SYTL3: variants seen among roughly 807,000 people sequenced by gnomAD.
SYTL3 encodes synaptotagmin like 3, also known as synaptotagmin-like protein 3.
Under a neutral mutation model 82.1 loss-of-function variants are expected in SYTL3, and 88 were observed. That is an observed-to-expected ratio of 1.07 (90% CI 0.90 to 1.28). The LOEUF (loss-of-function observed/expected upper bound fraction) is 1.28. Ranked by LOEUF, SYTL3 falls within the 50% of genes most tolerant of loss-of-function variation. The pLI, the probability that SYTL3 is intolerant of heterozygous loss-of-function variation, is 0.00. For missense variants in SYTL3, 831 were observed against 757.6 expected, an observed-to-expected ratio of 1.10 and a Z score of -1.14; for synonymous variants, 311 against 289.4, an observed-to-expected ratio of 1.07 and a Z score of -0.76.
chr6:158,670,947 C>T (rs1214544639), intron 5 of SYTL3, among the ~76,000 whole-genome samples: 1 of 151,630 alleles, frequency 6.6e-6, no homozygotes, highest in African/African-American at 2.4e-5. Context: ...GGACTACAGG[C>T]GCCCACCACC....
intron 5 of SYTL3, among the ~76,000 whole-genome samples, chr6:158,667,122 G>T (rs1043409344): frequency 2.0e-5 from 3 of 152,156 alleles, no homozygotes; most frequent in Non-Finnish European, 2.9e-5. Flanking sequence ...AAACATTGCT[G>T]GGCAGGGTGT....
intron 12 of SYTL3, among the ~76,000 whole-genome samples, chr6:158,746,762 C>G (rs981094752): frequency 6.6e-6 from 1 of 151,556 alleles, no homozygotes; most frequent in African/African-American, 2.4e-5. Context: ...CCACACCCGG[C>G]CAGCACTATT....
intron 5 of SYTL3, among the ~76,000 whole-genome samples, chr6:158,667,007 T>G (rs1408295958): frequency 6.6e-6 from 1 of 152,242 alleles, no homozygotes; most frequent in Non-Finnish European, 1.5e-5. Flanking sequence ...ATAATTACTG[T>G]GAGCTGCCCT....
At chr6:158,647,922 C>A (rs1787588878), upstream of SYTL3, among the ~76,000 whole-genome samples, 1 of 152,194 alleles carries the variant, frequency 6.6e-6, no homozygotes, top group Non-Finnish European at 1.5e-5. Flanking sequence ...CTGGAGCTGC[C>A]AATACCTTTA....
chr6:158,675,217 C>T (rs1210808471), intron 5 of SYTL3, among the ~76,000 whole-genome samples: 1 of 152,162 alleles, frequency 6.6e-6, no homozygotes, highest in Non-Finnish European at 1.5e-5. Flanking sequence ...TGTAATGTGC[C>T]TGGCCAGAGC....
intron 6 of SYTL3, among the ~76,000 whole-genome samples, chr6:158,700,437 C>T (rs922675353): frequency 4.0e-5 from 6 of 151,664 alleles, no homozygotes; most frequent in African/African-American, 9.7e-5. Context: ...TTATCTCTCT[C>T]GAAGTACCTG....
intron 6 of SYTL3, among the ~76,000 whole-genome samples, chr6:158,704,663 C>T (rs1242733712): frequency 6.6e-6 from 1 of 152,234 alleles, no homozygotes; most frequent in South Asian, 2.1e-4. Context: ...GGTGGGGCAC[C>T]CCGGAAGCCA....
At chr6:158,690,674 A>T (rs1002135349) in intron 6 of SYTL3, among the ~76,000 whole-genome samples, 2 of 152,362 alleles carry the variant, frequency 1.3e-5, no homozygotes, top group East Asian at 3.9e-4. Context: ...AGTACAAAAA[A>T]TTTTAAATAT....
chr6:158,705,975 G>A (rs1782043113), intron 6 of SYTL3, among the ~76,000 whole-genome samples: 1 of 152,114 alleles, frequency 6.6e-6, no homozygotes, highest in Admixed American at 6.5e-5. Flanking sequence ...TTTTTTGCTT[G>A]GACCTGGATG....
At chr6:158,676,252 A>T (rs530335543) in intron 5 of SYTL3, among the ~76,000 whole-genome samples, 1 of 152,242 alleles carries the variant, frequency 6.6e-6, no homozygotes, top group African/African-American at 2.4e-5. Context: ...ATAATGTTGC[A>T]TATCTACAAC....
intron 5 of SYTL3, among the ~76,000 whole-genome samples, chr6:158,681,093 T>C (rs1778639720): frequency 6.6e-6 from 1 of 152,128 alleles, no homozygotes; most frequent in South Asian, 2.1e-4. Context: ...CAGTCATGAG[T>C]TGAAGTTTTA....
In SYTL3 at chr6:158,757,359, G is replaced by A. The variant is rs141770650; in HGVS notation, c.1286G>A (p.Arg429His). The change falls in exon 14 of 18, where the codon CGC becomes CAC. Residue 429 changes from arginine to histidine, a missense_variant. Transcript: ENST00000611299. ...GAAGACAGCACAACACAGTCCTTCCGCTGGCATCCGCTCCGGGCCAAGGTG... is the reference window on the plus strand; with the variant it reads ...GAAGACAGCACAACACAGTCCTTCCACTGGCATCCGCTCCGGGCCAAGGTG... ...DFEDSTTQSFRWHPLRAKAEK... is the reference protein window; with the variant it reads ...DFEDSTTQSFHWHPLRAKAEK... 2.9e-5 allele frequency: 47 copies of A among 1,613,896 alleles called. No homozygotes were observed. Among genetic ancestry groups the A allele is most frequent in the East Asian group, 1.3e-4 (6 of 44,882 alleles).
chr6:158,665,309 TG>T, intron 4 of SYTL3, 85 bp from the exon 5 acceptor site: 1 of 1,283,034 alleles, frequency 7.8e-7, no homozygotes, highest in Non-Finnish European at 1.1e-6. Context: ...TCCCTTGCCA[TG>T]GGGGTTACTG....
At chr6:158,730,962 T>C (rs1295309574) in intron 11 of SYTL3, among the ~76,000 whole-genome samples, 3 of 152,160 alleles carry the variant, frequency 2.0e-5, no homozygotes, top group East Asian at 3.9e-4. Context: ...AGGGGGGAGA[T>C]TAAACATCAC....
rs201118206 is a variant in SYTL3, at chr6:158,763,275, T to C, written c.1518-29T>C. 16 of 1,610,418 alleles carry C rather than the reference T, an allele frequency of 9.9e-6. 1 individual carries two copies. The East Asian group carries it at 1.8e-4, about 18-fold the overall frequency. On this transcript the variant is annotated intron_variant, in intron 16 of 17. Coordinates refer to ENST00000611299, the MANE Select transcript of SYTL3 (RefSeq NM_001242394.2). ...GGAGAGAAGGCCGTGTGGATGGCAA[T>C]GATTGCAGGGTTTGTGTTCCCTCTT... is the stretch of plus-strand genomic sequence containing the variant.
At position 158,682,932 on chromosome 6, in the gene SYTL3, A is replaced by C; in HGVS notation, c.337A>C (p.Lys113Gln). 6.2e-7 allele frequency: 1 copy of C among 1,613,200 alleles called. No homozygotes were observed. Among genetic ancestry groups the C allele is most frequent in the Non-Finnish European group, 8.5e-7 (1 of 1,179,184 alleles). ...TTCTGCTCATTTTTTCAGGAATGTC[A>C]AAATAAAAACTGGAGAATGGTTCTA... is the stretch of plus-strand genomic sequence containing the variant. ...CTVCFEDRNVKIKTGEWFYEE... is the reference protein window; with the variant it reads ...CTVCFEDRNVQIKTGEWFYEE... Residue 113 changes from lysine (K) to glutamine (Q), a missense_variant, in exon 6 of 18, where the codon AAA (lysine) becomes CAA (glutamine). By Grantham distance (53) the Lys-to-Gln change is moderately conservative. Transcript: ENST00000611299.
rs369728914 is a variant in SYTL3 at position 158,764,607 on chromosome 6, T to C, written c.*3T>C. The C allele has an allele frequency of 2.9e-5, 46 of 1,608,766 alleles. No homozygotes were observed. Among genetic ancestry groups the C allele is most frequent in the South Asian group, 6.6e-5 (6 of 90,994 alleles). On this transcript the variant is annotated 3_prime_UTR_variant, in exon 18 of 18. Coordinates refer to ENST00000611299, the MANE Select transcript of SYTL3 (RefSeq NM_001242394.2). ...ACATGACTCTTGTCCTGCACTGACATGAAGGCCTCAAGGTTCCAGGTTGCA... is the reference window on the plus strand; with the variant it reads ...ACATGACTCTTGTCCTGCACTGACACGAAGGCCTCAAGGTTCCAGGTTGCA...
upstream of SYTL3, among the ~76,000 whole-genome samples, chr6:158,648,607 A>AAAAAT (rs1554234542): frequency 3.9e-5 from 5 of 127,326 alleles, no homozygotes; most frequent in East Asian, 1.1e-3. Flanking sequence ...AAAAAAAAAA[A>AAAAAT]AATAATAATA....
intron 5 of SYTL3, among the ~76,000 whole-genome samples, chr6:158,671,429 A>G (rs969349922): frequency 3.3e-5 from 5 of 152,162 alleles, no homozygotes; most frequent in Non-Finnish European, 5.9e-5. Context: ...GGCATTTTGC[A>G]TGGTAGCCAA....
Sources: gnomAD v4.1 joint callset for allele counts (sites outside exome capture counted in the v4.1 genomes callset) on GRCh38, gnomAD v4.1.1 for gene constraint, MANE v1.5 for transcripts, NCBI Gene and HGNC (gene_info 2026-07-23, HGNC 2026-07-21) for gene names.